Variants in DPP10 observed in about 807,000 individuals in gnomAD.
The protein encoded by DPP10 is dipeptidyl peptidase like 10.
In DPP10, 33 loss-of-function variants were observed where a neutral mutation model predicts 120.9. That is an observed-to-expected ratio of 0.27 (90% CI 0.21 to 0.37). The LOEUF is 0.37. Ranked by LOEUF, DPP10 falls within the 10% of genes least tolerant of loss-of-function variation. The pLI is 1.00. For missense variants in DPP10, 816 were observed against 942.8 expected (o/e 0.87, Z 1.76); for synonymous variants, 337 against 326.1 (o/e 1.03, Z -0.36).
intron 1 of DPP10, among the ~76,000 whole-genome samples, chr2:115,230,705 A>T (rs2057693997): frequency 6.6e-6 from 1 of 152,032 alleles, no homozygotes; most frequent in Non-Finnish European, 1.5e-5. Flanking sequence ...TATGTTAATG[A>T]TTTATTTGTT....
chr2:114,814,323 T>C (rs1265950065), intron 1 of DPP10, among the ~76,000 whole-genome samples: 1 of 152,048 alleles, frequency 6.6e-6, no homozygotes, highest in Admixed American at 6.6e-5. Flanking sequence ...TATGTTCAAA[T>C]TGAGAACGTG....
chr2:115,124,275 A>G (rs7579207), intron 1 of DPP10, among the ~76,000 whole-genome samples: 109,924 of 152,066 alleles, frequency 0.72, 40,099 homozygotes, highest in East Asian at 0.98. Context: ...AGACCATTCA[A>G]TGACTTCCTA....
intron 1 of DPP10, among the ~76,000 whole-genome samples, chr2:114,883,199 T>C (rs1233663998): frequency 1.3e-5 from 2 of 152,188 alleles, no homozygotes; most frequent in African/African-American, 2.4e-5. Context: ...ACGCATTATC[T>C]GGGGTTAGAG....
intron 19 of DPP10, among the ~76,000 whole-genome samples, chr2:115,808,177 C>T (rs550959505): frequency 6.6e-6 from 1 of 152,278 alleles, no homozygotes; most frequent in South Asian, 2.1e-4. Flanking sequence ...ATTTCTTTTC[C>T]ATTTGTATGG....
intron 1 of DPP10, among the ~76,000 whole-genome samples, chr2:114,995,767 G>A (rs1350960848): frequency 6.6e-6 from 1 of 152,098 alleles, no homozygotes; most frequent in African/African-American, 2.4e-5. Context: ...CATTAGGTCT[G>A]GACAAAGTCT....
intron 3 of DPP10, among the ~76,000 whole-genome samples, chr2:115,424,869 A>G (rs1215116124): frequency 1.3e-5 from 2 of 152,196 alleles, no homozygotes; most frequent in Admixed American, 1.3e-4. Flanking sequence ...GATTCTGACT[A>G]ATAGATTATG....
intron 1 of DPP10, among the ~76,000 whole-genome samples, chr2:114,715,774 G>C (rs889856959): frequency 6.6e-6 from 1 of 151,802 alleles, no homozygotes; most frequent in East Asian, 1.9e-4. Context: ...CACACAAAAA[G>C]ATATGGCTGG....
At chr2:114,494,264 G>A (rs1356978455) in intron 1 of DPP10, among the ~76,000 whole-genome samples, 1 of 152,072 alleles carries the variant, frequency 6.6e-6, no homozygotes, top group African/African-American at 2.4e-5. Flanking sequence ...TTATAAAATG[G>A]GAATAATAAT....
At chr2:115,239,091 GC>G (rs532939318) in intron 1 of DPP10, among the ~76,000 whole-genome samples, 10 of 151,558 alleles carry the variant, frequency 6.6e-5, no homozygotes, top group South Asian at 2.1e-4. Context: ...ATTAGATGGT[GC>G]CCCCCCCAGA....
At chr2:115,063,386 G>C (rs1175348504) in intron 1 of DPP10, among the ~76,000 whole-genome samples, 3 of 152,182 alleles carry the variant, frequency 2.0e-5, no homozygotes, top group South Asian at 4.1e-4. Flanking sequence ...AAGCTCTTTA[G>C]TTTAATTAGA....
At chr2:115,351,807 T>C (rs1262409366) in intron 3 of DPP10, among the ~76,000 whole-genome samples, 2 of 152,108 alleles carry the variant, frequency 1.3e-5, no homozygotes, top group Non-Finnish European at 1.5e-5. Flanking sequence ...TATTTATTGC[T>C]ATGTTGTTTG....
intron 5 of DPP10, among the ~76,000 whole-genome samples, chr2:115,572,667 G>T (rs1438531190): frequency 6.6e-6 from 1 of 152,146 alleles, no homozygotes; most frequent in Non-Finnish European, 1.5e-5. Context: ...CATATTCATA[G>T]CTCTGAAATT....
At chr2:114,680,049 G>A (rs1698925194) in intron 1 of DPP10, among the ~76,000 whole-genome samples, 1 of 151,890 alleles carries the variant, frequency 6.6e-6, no homozygotes, top group Non-Finnish European at 1.5e-5. Flanking sequence ...ATCTTATCTC[G>A]AACACTTCTG....
intron 1 of DPP10, among the ~76,000 whole-genome samples, chr2:115,135,241 GATAT>G (rs10534692): frequency 2.0e-4 from 30 of 147,590 alleles, no homozygotes; most frequent in Admixed American, 4.1e-4. Context: ...GGGCCCTTGA[GATAT>G]ATATATATAT....
At chr2:114,728,122 C>T (rs1023243529) in intron 1 of DPP10, among the ~76,000 whole-genome samples, 8 of 152,126 alleles carry the variant, frequency 5.3e-5, no homozygotes, top group Non-Finnish European at 1.0e-4. Context: ...GTAGAATAGT[C>T]TCAGCTTCAA....
chr2:115,396,580 G>T (rs1356660152), intron 3 of DPP10, among the ~76,000 whole-genome samples: 1 of 152,182 alleles, frequency 6.6e-6, no homozygotes, highest in East Asian at 1.9e-4. Flanking sequence ...CTTGGTAGTT[G>T]TTGTGTCTTT....
intron 1 of DPP10, among the ~76,000 whole-genome samples, chr2:115,027,878 G>A (rs1703575623): frequency 6.6e-6 from 1 of 151,850 alleles, no homozygotes; most frequent in South Asian, 2.1e-4. Context: ...ATATCTTCCA[G>A]GTTTTCCAGT....
chr2:114,559,269 T>A lies in DPP10; in HGVS notation c.60+116431T>A, dbSNP rs1029571977. Among the ~76,000 whole-genome samples, 7 of 151,814 alleles carry A rather than the reference T, an allele frequency of 4.6e-5. No homozygotes were observed. The East Asian group carries it at 1.4e-3, about 29-fold the overall frequency. On this transcript the variant is annotated intron_variant, in intron 1 of 25. Coordinates refer to ENST00000410059, the MANE Select transcript of DPP10 (RefSeq NM_020868.6). ...GTTAGGTACAATATAATCACAAGAG[T>A]CCCCGCATGAGGGAAGCAGGAAGGT... is the stretch of plus-strand genomic sequence containing the variant.
chr2:114,494,343 G>T (rs1573484608), intron 1 of DPP10, among the ~76,000 whole-genome samples: 2 of 152,262 alleles, frequency 1.3e-5, no homozygotes, highest in East Asian at 3.9e-4. Flanking sequence ...TTAGAGCAGA[G>T]CCTTTTACAT....
Sources: gnomAD v4.1 joint callset for allele counts (sites outside exome capture counted in the v4.1 genomes callset) on GRCh38, gnomAD v4.1.1 for gene constraint, MANE v1.5 for transcripts, NCBI Gene and HGNC (gene_info 2026-07-23, HGNC 2026-07-21) for gene names.